The following CCDC51 variants were observed in gnomAD, a reference collection of about 807,000 sequenced individuals.
CCDC51 encodes the protein coiled-coil domain containing 51.
Under a neutral mutation model 24.8 loss-of-function variants are expected in CCDC51, and 25 were observed. The ratio of observed to expected loss-of-function variants is 1.01; its 90% CI spans 0.73 to 1.41. CCDC51 has a LOEUF of 1.41. Among genes scored for constraint, CCDC51 ranks in the 40% most tolerant of loss-of-function variants. The pLI is 0.00. For synonymous variants in CCDC51, 190 were observed against 204.3 expected, an observed-to-expected ratio of 0.93 and a Z score of 0.60; for missense variants, 466 against 519.1, an observed-to-expected ratio of 0.90 and a Z score of 0.99.
chr3:48,436,501 C>A (rs2039359619), intron 1 of CCDC51, among the ~76,000 whole-genome samples: 1 of 152,214 alleles, frequency 6.6e-6, no homozygotes, highest in South Asian at 2.1e-4. Context: ...GTGCCACACC[C>A]AAACCCCTGG....
chr3:48,437,200 CT>C lies in CCDC51; in HGVS notation c.-8-2065del, dbSNP rs1381223077. 6.6e-6 allele frequency among the ~76,000 whole-genome samples: 1 copy of C among 152,208 alleles called. No homozygotes were observed. The highest frequency in any genetic ancestry group is 2.4e-5 in the African/African-American group (1 of 41,446). ...ACTCCCTCCCCAGCTACCTTCTCTG[CT>C]TTATTTTTCTCCTGATGGATATATT... On this transcript the variant is annotated intron_variant, in intron 1 of 3. Coordinates refer to ENST00000395694, the MANE Select transcript of CCDC51 (RefSeq NM_001256964.2). The surrounding 1 kb of genome is among the most constrained non-coding windows in gnomAD (Gnocchi z 4.2).
At chr3:48,443,241 C>CAAAAAAA (rs3082576), upstream of CCDC51, among the ~76,000 whole-genome samples, 1 of 70,534 alleles carries the variant, frequency 1.4e-5, no homozygotes, top group African/African-American at 6.4e-5. Context: ...ACTCCATCTC[C>CAAAAAAA]AAAAAAAAAA....
At chr3:48,443,403 C>T (rs1020744687), upstream of CCDC51, among the ~76,000 whole-genome samples, 3 of 151,746 alleles carry the variant, frequency 2.0e-5, no homozygotes, top group African/African-American at 7.3e-5. Context: ...AAAAATTAGC[C>T]AGGGCTTGTG....
At position 48,432,673 on chromosome 3, in the gene CCDC51, A is replaced by C. The variant is rs1456107790; in HGVS notation, c.971T>G (p.Leu324Arg). The stretch of plus-strand genomic sequence containing the variant: ...GCTACAAGTCTTTTCTAGGCCATCA[A>C]GCTGCTCTCGTAAGCCTTCTAGACA... ...HSCLEGLREQ[L>R]DGLEKTCSQM... The change falls in exon 4 of 4, where the codon CTT becomes CGT. Residue 324 changes from leucine (L) to arginine (R), a missense_variant. Leu to Arg is a moderately radical substitution (Grantham distance 102, BLOSUM62 -2). Transcript: ENST00000395694. 6.2e-7 allele frequency: 1 copy of C among 1,614,144 alleles called. No individual in the cohort carries two copies. Among genetic ancestry groups the C allele is most frequent in the African/African-American group, 1.3e-5 (1 of 74,952 alleles).
chr3:48,444,382 C>T (rs1417505448), upstream of CCDC51, among the ~76,000 whole-genome samples: 2 of 152,112 alleles, frequency 1.3e-5, no homozygotes, highest in Non-Finnish European at 2.9e-5. Flanking sequence ...AAACTATTCT[C>T]CTGCTTTGGC....
chr3:48,438,632 C>T (rs1443033056), intron 1 of CCDC51, among the ~76,000 whole-genome samples: 1 of 152,176 alleles, frequency 6.6e-6, no homozygotes, highest in Non-Finnish European at 1.5e-5. Flanking sequence ...CTCCTCTCAC[C>T]TCTGCCACTG....
chr3:48,439,857 A>T, intron 1 of CCDC51, 131 bp downstream of exon 1: 1 of 231,474 alleles, frequency 4.3e-6, no homozygotes, highest in Non-Finnish European at 8.5e-6. Flanking sequence ...CTATAGGACC[A>T]CGTGATATAA....
At chr3:48,441,218 G>T (rs968761946), upstream of CCDC51, among the ~76,000 whole-genome samples, 1 of 151,728 alleles carries the variant, frequency 6.6e-6, no homozygotes, top group African/African-American at 2.4e-5. Context: ...GCTAATTTTT[G>T]TATTTTTAGT....
Position 48,433,240 on chromosome 3 carries a change from G to T in CCDC51, c.478-74C>A. 1 of 1,410,758 alleles carries T rather than the reference G, an allele frequency of 7.1e-7. No individual in the cohort carries two copies. The highest frequency in any genetic ancestry group is 9.8e-7 in the Non-Finnish European group (1 of 1,023,042). The allele number at this position is 1,410,758 out of a possible 1,614,324, so 87.4% of individuals were successfully genotyped here. A position where few individuals can be genotyped will look rare whatever the true frequency, so the allele number is the denominator to read the frequency against. On this transcript the variant is annotated intron_variant, in intron 3 of 3. Transcript: ENST00000395694. This position sits in a 1 kb window ranked among gnomAD's most constrained non-coding sequence, Gnocchi z 4.4. The stretch of plus-strand genomic sequence containing the variant: ...CTGCAGCTATAGCCACCAGCAGATG[G>T]CTCACTACCTTGTGCCTGGCAGAGT...
At position 48,437,437 on chromosome 3, in the gene CCDC51, C is replaced by T. The variant is rs985086156; in HGVS notation, c.-8-2301G>A. Among the ~76,000 whole-genome samples the T allele has an allele frequency of 3.3e-5, 5 of 152,078 alleles. No homozygotes were observed. The highest frequency in any genetic ancestry group is 5.9e-5 in the Non-Finnish European group (4 of 68,030). On this transcript the variant is annotated intron_variant, in intron 1 of 3. Coordinates refer to ENST00000395694, the MANE Select transcript of CCDC51 (RefSeq NM_001256964.2). The surrounding 1 kb of genome is among the most constrained non-coding windows in gnomAD (Gnocchi z 4.2). ...CACCACTTAGATGTTTCACAGGCCC[C>T]CCAACCAGCAAGGAGAAGAATGTTC...
At chr3:48,443,808 A>G (rs2039620353), upstream of CCDC51, 6 of 1,533,598 alleles carry the variant, frequency 3.9e-6, no homozygotes, top group South Asian at 1.3e-5. Context: ...TACCGTAAGA[A>G]CTATATTTTT....
rs2039389226 is a variant in CCDC51 at position 48,437,444 on chromosome 3, A to T, written c.-8-2308T>A. The stretch of plus-strand genomic sequence containing the variant: ...TAGATGTTTCACAGGCCCCCCAACC[A>T]GCAAGGAGAAGAATGTTCCTGGCAA... On this transcript the variant is annotated intron_variant, in intron 1 of 3. Coordinates refer to ENST00000395694, the MANE Select transcript of CCDC51 (RefSeq NM_001256964.2). The surrounding 1 kb of genome is among the most constrained non-coding windows in gnomAD (Gnocchi z 4.2). Among the ~76,000 whole-genome samples the T allele has an allele frequency of 6.6e-6, 1 of 151,962 alleles. No individual in the cohort carries two copies. The highest frequency in any genetic ancestry group is 1.5e-5 in the Non-Finnish European group (1 of 67,986).
At position 48,433,421 on chromosome 3, in the gene CCDC51, G is replaced by C. The variant is rs1242141129; in HGVS notation, c.478-255C>G. Reference sequence around the variant, plus strand: ...AGAGGTGCACTTATGTCTACACAAAGGGAAGTGTCCAGCACTCCCTAGGCC... The same window carrying C: ...AGAGGTGCACTTATGTCTACACAAACGGAAGTGTCCAGCACTCCCTAGGCC... On this transcript the variant is annotated intron_variant, in intron 3 of 3. Coordinates refer to ENST00000395694, the MANE Select transcript of CCDC51 (RefSeq NM_001256964.2). The surrounding 1 kb of genome is among the most constrained non-coding windows in gnomAD (Gnocchi z 4.4). Among the ~76,000 whole-genome samples, 1 of 152,202 alleles carries C rather than the reference G, an allele frequency of 6.6e-6. No individual in the cohort carries two copies. The highest frequency in any genetic ancestry group is 1.9e-4 in the East Asian group (1 of 5,202).
chr3:48,441,291 G>A (rs1329084290), upstream of CCDC51, among the ~76,000 whole-genome samples: 8 of 152,002 alleles, frequency 5.3e-5, no homozygotes, highest in East Asian at 1.4e-3. Flanking sequence ...TGATCCACCC[G>A]CCTCAGCCTC....
In CCDC51 at chr3:48,433,986, G is replaced by A; in HGVS notation, c.313-115C>T. 18 of 1,486,462 alleles carry A rather than the reference G, an allele frequency of 1.2e-5. No homozygotes were observed. The highest frequency in any genetic ancestry group is 1.6e-5 in the Non-Finnish European group (18 of 1,122,960). 92.1% of individuals were successfully genotyped at this position (1,486,462 alleles called of 1,614,324 possible). On this transcript the variant is annotated intron_variant, in intron 2 of 3. Transcript: ENST00000395694. The surrounding 1 kb of genome is among the most constrained non-coding windows in gnomAD (Gnocchi z 4.4). The stretch of plus-strand genomic sequence containing the variant: ...GTCACTGGGGTGTGAGCTGCAAAGG[G>A]TGGAAACGGAATTCCTTAGACACTA...
chr3:48,434,744 A>G, intron 2 of CCDC51, 73 bp downstream of exon 2: 1 of 1,379,206 alleles, frequency 7.3e-7, no homozygotes, highest in Non-Finnish European at 1.0e-6. Context: ...GTGGCTACCC[A>G]GCACCACGTG....
Position 48,433,934 on chromosome 3 carries a change from A to G in CCDC51, c.313-63T>C. 6.4e-7 allele frequency: 1 copy of G among 1,565,276 alleles called. No homozygotes were observed. ...TCCACACCCACACAGGCTCAGCTGC[A>G]TTCCCAGCAAGGCATTCCCAGAAGA... On this transcript the variant is annotated intron_variant, in intron 2 of 3. Coordinates refer to ENST00000395694, the MANE Select transcript of CCDC51 (RefSeq NM_001256964.2). This position sits in a 1 kb window ranked among gnomAD's most constrained non-coding sequence, Gnocchi z 4.4.
chr3:48,442,098 G>A (rs1288661989), upstream of CCDC51, among the ~76,000 whole-genome samples: 4 of 151,980 alleles, frequency 2.6e-5, no homozygotes, highest in Non-Finnish European at 4.4e-5. Flanking sequence ...TGGTGGTGGC[G>A]GCCCGTTTCC....
upstream of CCDC51, chr3:48,440,796 G>C (rs1046431220): frequency 2.6e-5 from 17 of 660,430 alleles, no homozygotes; most frequent in Non-Finnish European, 3.7e-5. Flanking sequence ...GCGGCAGTAA[G>C]GGCCGGGAGC....
Sources: allele counts gnomAD v4.1 joint callset (sites outside exome capture counted in the v4.1 genomes callset), GRCh38; gene constraint gnomAD v4.1.1; non-coding constraint Gnocchi (gnomAD v3.1); transcripts MANE v1.5; gene names NCBI Gene and HGNC (gene_info 2026-07-23, HGNC 2026-07-21).